Variants in MALRD1 observed in about 807,000 individuals in gnomAD.
The protein encoded by MALRD1 is MAM and LDL receptor class A domain containing 1, also known as MAM and LDL-receptor class A domain-containing protein 1.
Under a neutral mutation model 242.1 loss-of-function variants are expected in MALRD1, and 247 were observed. The ratio of observed to expected loss-of-function variants is 1.02; its 90% CI spans 0.92 to 1.13. The LOEUF is 1.13. Ranked by LOEUF, MALRD1 falls within the 50% of genes most tolerant of loss-of-function variation. The pLI is 0.00. For missense variants in MALRD1, 2,989 were observed against 2,533.1 expected, an observed-to-expected ratio of 1.18 and a Z score of -3.86; for synonymous variants, 995 against 866.6, an observed-to-expected ratio of 1.15 and a Z score of -2.60.
Position 19,281,844 on chromosome 10 carries a change from T to A in MALRD1, c.3257-1175T>A, listed in dbSNP as rs535715128. ...CACAAATTAGCTGGGTGTGGTGGCG[T>A]GTGCCTGTAATCCCAGCTACTTAGG... is the stretch of plus-strand genomic sequence containing the variant. On this transcript the variant is annotated intron_variant, in intron 20 of 39. Coordinates refer to ENST00000454679, the MANE Select transcript of MALRD1 (RefSeq NM_001142308.3). 3.3e-5 allele frequency among the ~76,000 whole-genome samples: 5 copies of A among 151,680 alleles called. No homozygotes were observed. The East Asian group carries it at 7.8e-4, about 24-fold the overall frequency.
chr10:19,119,669 A>T (rs1297944229), intron 5 of MALRD1, among the ~76,000 whole-genome samples: 1 of 152,090 alleles, frequency 6.6e-6, no homozygotes, highest in African/African-American at 2.4e-5. Context: ...CAGTTTAGGG[A>T]GGGTCAGAAT....
At chr10:19,259,039 C>T (rs1160450632) in intron 19 of MALRD1, among the ~76,000 whole-genome samples, 2 of 152,072 alleles carry the variant, frequency 1.3e-5, no homozygotes, top group Admixed American at 6.6e-5. Flanking sequence ...ATTGCAATTG[C>T]TTTTTAAATG....
chr10:19,176,905 C>T (rs75319191), intron 14 of MALRD1, among the ~76,000 whole-genome samples: 2,380 of 151,548 alleles, frequency 0.016, 63 homozygotes, highest in African/African-American at 0.054. Flanking sequence ...TGTGTGCATG[C>T]GTGTCTGTGC....
At chr10:19,159,644 A>G (rs945517633) in intron 12 of MALRD1, among the ~76,000 whole-genome samples, 13 of 152,080 alleles carry the variant, frequency 8.5e-5, no homozygotes, top group South Asian at 2.1e-4. Flanking sequence ...AATTAAAAAA[A>G]AAAGAAAGAA....
At chr10:19,383,599 T>G (rs146469813) in intron 26 of MALRD1, among the ~76,000 whole-genome samples, 1 of 152,216 alleles carries the variant, frequency 6.6e-6, no homozygotes, top group South Asian at 2.1e-4. Flanking sequence ...ACTAAGTACA[T>G]ACCTTATATG....
At chr10:19,334,125 T>TTG (rs1554834529) in intron 24 of MALRD1, among the ~76,000 whole-genome samples, 8 of 146,626 alleles carry the variant, frequency 5.5e-5, no homozygotes, top group Non-Finnish European at 1.2e-4. Flanking sequence ...GTAGGTTTTT[T>TTG]TTTTTTTTTT....
In MALRD1 at chr10:19,567,506, A is replaced by G. The variant is rs779631496; in HGVS notation, c.5483A>G (p.Tyr1828Cys). Residue 1828 changes from tyrosine to cysteine, a missense_variant, in exon 33 of 40, where the codon TAT becomes TGT. By Grantham distance (194) the Tyr-to-Cys change is radical. Coordinates refer to ENST00000454679, the MANE Select transcript of MALRD1 (RefSeq NM_001142308.3). ...ATTTTTTAATGATTTTTAAAGGTGT[A>G]TACCATTGAAGAATCGGGGCTAAAC... is the stretch of plus-strand genomic sequence containing the variant. The part of the protein sequence containing the change: ...DPRSMGILKV[Y>C]TIEESGLNIL... 1.5e-5 allele frequency: 24 copies of G among 1,550,162 alleles called. No individual in the cohort carries two copies. The South Asian group carries it at 2.7e-4, about 18-fold the overall frequency.
intron 36 of MALRD1, among the ~76,000 whole-genome samples, chr10:19,644,629 CA>C (rs1840566231): frequency 6.6e-6 from 1 of 151,976 alleles, no homozygotes; most frequent in Non-Finnish European, 1.5e-5. Flanking sequence ...GACAAGACCC[CA>C]AAAAATGTGT....
intron 36 of MALRD1, among the ~76,000 whole-genome samples, chr10:19,632,479 A>C (rs577317876): frequency 2.6e-5 from 4 of 152,252 alleles, no homozygotes; most frequent in African/African-American, 9.6e-5. Flanking sequence ...GAATCTTTTC[A>C]TCTCTATCTT....
intron 28 of MALRD1, among the ~76,000 whole-genome samples, chr10:19,448,963 TTTTCCTC>T (rs1835157217): frequency 6.6e-6 from 1 of 152,152 alleles, no homozygotes; most frequent in Non-Finnish European, 1.5e-5. Context: ...TCCTTTTCTC[TTTTCCTC>T]TGTCAGTGAT....
chr10:19,062,280 AT>A (rs1834845423), intron 1 of MALRD1, among the ~76,000 whole-genome samples: 1 of 152,172 alleles, frequency 6.6e-6, no homozygotes, highest in Non-Finnish European at 1.5e-5. Context: ...CTAGAAAATA[AT>A]GTATTTAGGA....
chr10:19,171,811 A>T (rs1834981750), intron 13 of MALRD1, among the ~76,000 whole-genome samples: 8 of 143,312 alleles, frequency 5.6e-5, no homozygotes, highest in Admixed American at 3.6e-4. Flanking sequence ...TATATATATC[A>T]GTTTGGTTAT....
chr10:19,444,427 G>T (rs1834845655), intron 28 of MALRD1, among the ~76,000 whole-genome samples: 1 of 152,204 alleles, frequency 6.6e-6, no homozygotes, highest in Admixed American at 6.5e-5. Context: ...AATTTGGCAT[G>T]TTTTTGCAGT....
At chr10:19,115,323 G>A (rs542617115) in intron 5 of MALRD1, among the ~76,000 whole-genome samples, 35 of 152,158 alleles carry the variant, frequency 2.3e-4, no homozygotes, top group African/African-American at 8.2e-4. Flanking sequence ...CACCCAAGAG[G>A]AGGTCTATAC....
At chr10:19,418,137 A>G (rs1368656100) in intron 28 of MALRD1, among the ~76,000 whole-genome samples, 2 of 152,118 alleles carry the variant, frequency 1.3e-5, no homozygotes, top group Admixed American at 1.3e-4. Context: ...ATGTAGATCA[A>G]TTGACCTGTC....
chr10:19,421,955 T>C (rs1422824908), intron 28 of MALRD1, among the ~76,000 whole-genome samples: 3 of 152,166 alleles, frequency 2.0e-5, no homozygotes, highest in Non-Finnish European at 4.4e-5. Context: ...CTGTAGCAAA[T>C]TGCCTTTGAT....
chr10:19,478,461 A>G (rs1836842168), intron 29 of MALRD1, among the ~76,000 whole-genome samples: 1 of 152,146 alleles, frequency 6.6e-6, no homozygotes, highest in Admixed American at 6.5e-5. Flanking sequence ...AATTAAGACT[A>G]AACACACAAC....
At chr10:19,450,129 T>C (rs1181232866) in intron 28 of MALRD1, among the ~76,000 whole-genome samples, 178 bp from the exon 29 acceptor site, 1 of 152,188 alleles carries the variant, frequency 6.6e-6, no homozygotes, top group Non-Finnish European at 1.5e-5. Flanking sequence ...CTTTTTGAGT[T>C]GGGTTTGACA....
Position 19,700,572 on chromosome 10 carries a change from G to A in MALRD1, c.6314+8018G>A, listed in dbSNP as rs1363081134. Among the ~76,000 whole-genome samples the A allele has an allele frequency of 6.6e-5, 10 of 152,236 alleles. No individual in the cohort carries two copies. The East Asian group carries it at 1.7e-3, about 26-fold the overall frequency. On this transcript the variant is annotated intron_variant, in intron 38 of 39. Coordinates refer to ENST00000454679, the MANE Select transcript of MALRD1 (RefSeq NM_001142308.3). ...TTTAAACTACCTTGTTGTGATACTC[G>A]ATCCATGAGTGACTCAAGTCTTGGT...
Sources: gnomAD v4.1 joint callset for allele counts (sites outside exome capture counted in the v4.1 genomes callset) on GRCh38, gnomAD v4.1.1 for gene constraint, MANE v1.5 for transcripts, NCBI Gene and HGNC (gene_info 2026-07-23, HGNC 2026-07-21) for gene names.